The following ZMYND11 variants were observed in gnomAD, a reference collection of about 807,000 sequenced individuals.
ZMYND11 encodes zinc finger MYND-type containing 11.
ZMYND11 carries 9 observed loss-of-function variants against 84.9 expected under a neutral mutation model. That is an observed-to-expected ratio of 0.11 (90% CI 0.06 to 0.18). ZMYND11 has a LOEUF of 0.18. Among genes scored for constraint, ZMYND11 ranks in the 10% least tolerant of loss-of-function variants. The probability of loss-of-function intolerance (pLI) is 1.00; values close to 1 mark genes in which losing one functional copy is unlikely to be tolerated. For missense variants in ZMYND11, 409 were observed against 761.0 expected, an observed-to-expected ratio of 0.54 and a Z score of 5.44; for synonymous variants, 250 against 244.1, an observed-to-expected ratio of 1.02 and a Z score of -0.23.
rs377179377 is a variant in ZMYND11 at position 236,741 on chromosome 10, GCATACTATCT to G, written c.439-96_439-87del. The G allele has an allele frequency of 8.2e-4, 837 of 1,023,516 alleles. 4 individuals carry two copies. In the African/African-American group the frequency reaches 0.012, roughly 15 times the overall value. 63.4% of individuals were successfully genotyped at this position (1,023,516 alleles called of 1,614,324 possible). On this transcript the variant is annotated intron_variant, in intron 4 of 14. Transcript: ENST00000381604. ...AAAGAGCACTTTTAGTAAACTCTTT[GCATACTATCT>G]AAGTGTTTCATATATGTCTTTTACA...
In ZMYND11 at chr10:135,753, C is replaced by CCGGCGGGGCCTGCGAGGGCGG. The variant is rs1320126873; in HGVS notation, c.-20+209_-20+229dup. Reference sequence around the variant, plus strand: ...TTTGTGGATGGCGGGGCGGGCCGGGCCGGCGGGGCCTGCGAGGGCGGCGGC... The same window carrying CCGGCGGGGCCTGCGAGGGCGG: ...TTTGTGGATGGCGGGGCGGGCCGGGCCGGCGGGGCCTGCGAGGGCGGCGGCGGGGCCTGCGAGGGCGGCGGC... On this transcript the variant is annotated intron_variant, in intron 1 of 14. Transcript: ENST00000381604. The surrounding 1 kb of genome is among the most constrained non-coding windows in gnomAD (Gnocchi z 5.6). Among the ~76,000 whole-genome samples the CCGGCGGGGCCTGCGAGGGCGG allele has an allele frequency of 6.8e-6, 1 of 146,934 alleles. No homozygotes were observed. The highest frequency in any genetic ancestry group is 2.5e-5 in the African/African-American group (1 of 40,578).
Position 139,700 on chromosome 10 carries a change from G to A in ZMYND11, c.-20+4141G>A, listed in dbSNP as rs1171410534. ...CACTGTCCAACTTAAACTTACACATGGTCCTTTTTTTTTTTTTTTTTTTTT... is the reference window on the plus strand; with the variant it reads ...CACTGTCCAACTTAAACTTACACATAGTCCTTTTTTTTTTTTTTTTTTTTT... On this transcript the variant is annotated intron_variant, in intron 1 of 14. Coordinates refer to ENST00000381604, the MANE Select transcript of ZMYND11 (RefSeq NM_001370100.5). Among the ~76,000 whole-genome samples, 4 of 139,840 alleles carry A rather than the reference G, an allele frequency of 2.9e-5. No individual in the cohort carries two copies. The South Asian group carries it at 6.8e-4, about 24-fold the overall frequency. The allele number at this position is 139,840 out of a possible 152,430, so 91.7% of individuals were successfully genotyped here. A position where few individuals can be genotyped will look rare whatever the true frequency, so the allele number is the denominator to read the frequency against.
rs78898551 is a variant in ZMYND11 at position 180,711 on chromosome 10, T to C, written c.116+583T>C. ...CACTGCACCTGGCCAGAGATTCTTT[T>C]ATTAAAAACACCTTTAGTGAATCAC... On this transcript the variant is annotated intron_variant, in intron 2 of 14. Transcript: ENST00000381604. Among the ~76,000 whole-genome samples the C allele has an allele frequency of 6.0e-3, 916 of 152,368 alleles. 8 individuals carry two copies. Among genetic ancestry groups the C allele is most frequent in the African/African-American group, 0.021 (871 of 41,588 alleles).
chr10:224,593 C>T (rs900819477), intron 4 of ZMYND11, among the ~76,000 whole-genome samples: 9 of 152,086 alleles, frequency 5.9e-5, no homozygotes, highest in African/African-American at 1.2e-4. Flanking sequence ...TCCCAGAAAC[C>T]GTATTCCATA....
chr10:239,585 G>A, intron 7 of ZMYND11, 60 bp downstream of exon 7: 1 of 1,134,092 alleles, frequency 8.8e-7, no homozygotes, highest in Non-Finnish European at 1.3e-6. Context: ...ATTCCATGTT[G>A]AACACTATCT....
At chr10:169,520 T>A (rs1554765030) in intron 1 of ZMYND11, among the ~76,000 whole-genome samples, 1 of 152,166 alleles carries the variant, frequency 6.6e-6, no homozygotes, top group South Asian at 2.1e-4. Flanking sequence ...AAACTATGAT[T>A]AAAATGCTAA....
chr10:173,243 A>C (rs1211912481), intron 1 of ZMYND11, among the ~76,000 whole-genome samples: 1 of 152,226 alleles, frequency 6.6e-6, no homozygotes, highest in African/African-American at 2.4e-5. Context: ...AGAATTGATA[A>C]GCTGGACTTC....
At chr10:187,400 C>T (rs561241694) in intron 2 of ZMYND11, among the ~76,000 whole-genome samples, 17 of 151,594 alleles carry the variant, frequency 1.1e-4, no homozygotes, top group South Asian at 4.2e-4. Flanking sequence ...TTTGGGAGGC[C>T]GAGGCGGGCG....
chr10:161,796 G>GTT (rs1253720123), intron 1 of ZMYND11, among the ~76,000 whole-genome samples: 2 of 152,150 alleles, frequency 1.3e-5, no homozygotes, highest in African/African-American at 4.8e-5. Flanking sequence ...TCTGGATTAG[G>GTT]TTTTGGCTTA....
chr10:194,902 T>G (rs1289233446), intron 2 of ZMYND11, among the ~76,000 whole-genome samples: 1 of 152,202 alleles, frequency 6.6e-6, no homozygotes, highest in South Asian at 2.1e-4. Context: ...CTAAAAACTT[T>G]CTGAAATTAT....
intron 1 of ZMYND11, among the ~76,000 whole-genome samples, chr10:176,966 A>T (rs1246922084): frequency 6.6e-6 from 1 of 152,194 alleles, no homozygotes; most frequent in Admixed American, 6.5e-5. Context: ...CAAGGACCTT[A>T]AGTAATCAGC....
chr10:213,325 A>T (rs1452881917), intron 3 of ZMYND11, among the ~76,000 whole-genome samples: 1 of 152,210 alleles, frequency 6.6e-6, no homozygotes, highest in African/African-American at 2.4e-5. Context: ...ATTGTCCTAC[A>T]TGCCAGCATT....
chr10:215,546 G>A (rs1165136468), intron 3 of ZMYND11, among the ~76,000 whole-genome samples: 1 of 151,352 alleles, frequency 6.6e-6, no homozygotes, highest in Non-Finnish European at 1.5e-5. Flanking sequence ...GGCCTAGGGG[G>A]CATCTTTGTT....
intron 2 of ZMYND11, among the ~76,000 whole-genome samples, chr10:205,560 T>A (rs1943972021): frequency 6.6e-6 from 1 of 151,752 alleles, no homozygotes; most frequent in African/African-American, 2.4e-5. Context: ...TGTAGTGGTG[T>A]GTGGCTGTAA....
intron 2 of ZMYND11, among the ~76,000 whole-genome samples, chr10:203,160 A>G (rs188791764): frequency 2.0e-5 from 3 of 152,284 alleles, no homozygotes; most frequent in African/African-American, 4.8e-5. Flanking sequence ...AAAATCTAAA[A>G]CAAGATAAGG....
intron 1 of ZMYND11, among the ~76,000 whole-genome samples, chr10:178,390 AG>A (rs1847129619): frequency 6.6e-6 from 1 of 152,216 alleles, no homozygotes; most frequent in Non-Finnish European, 1.5e-5. Flanking sequence ...ATAATCTCAC[AG>A]GATTGAGTTG....
rs1217050261 is a variant in ZMYND11 at position 252,355 on chromosome 10, A to G, written c.1694A>G (p.Asn565Ser). 4.3e-6 allele frequency: 7 copies of G among 1,614,066 alleles called. No individual in the cohort carries two copies. Among genetic ancestry groups the G allele is most frequent in the Non-Finnish European group, 5.9e-6 (7 of 1,180,006 alleles). Residue 565 changes from asparagine (N) to serine (S), a missense_variant, in exon 15 of 15, where the codon AAC becomes AGC. Physicochemically the swap from Asn to Ser is conservative, Grantham distance 46. Coordinates refer to ENST00000381604, the MANE Select transcript of ZMYND11 (RefSeq NM_001370100.5). This position sits in a 1 kb window ranked among gnomAD's most constrained non-coding sequence, Gnocchi z 4.6. ...SQTKKKQWCY[N>S]CEEEAMYHCC... ...CCGATTTCTTACCTGCAGTGCTACAACTGTGAGGAGGAGGCCATGTACCAC... is the reference window on the plus strand; with the variant it reads ...CCGATTTCTTACCTGCAGTGCTACAGCTGTGAGGAGGAGGCCATGTACCAC...
chr10:202,249 T>G (rs538800151), intron 2 of ZMYND11, among the ~76,000 whole-genome samples: 37 of 152,330 alleles, frequency 2.4e-4, no homozygotes, highest in Non-Finnish European at 4.3e-4. Context: ...TACTTAATAT[T>G]TACAGTGTTC....
intron 2 of ZMYND11, among the ~76,000 whole-genome samples, chr10:188,403 C>T (rs1196745925): frequency 6.6e-6 from 1 of 150,856 alleles, no homozygotes; most frequent in Non-Finnish European, 1.5e-5. Context: ...GCCTGGGCAA[C>T]ATAATGAGAC....
Sources: gnomAD v4.1 joint callset for allele counts (sites outside exome capture counted in the v4.1 genomes callset) on GRCh38, gnomAD v4.1.1 for gene constraint, Gnocchi (gnomAD v3.1) non-coding constraint, MANE v1.5 for transcripts, NCBI Gene and HGNC (gene_info 2026-07-23, HGNC 2026-07-21) for gene names.